RNFT2: variants seen among roughly 807,000 people sequenced by gnomAD.
RNFT2 encodes the protein ring finger protein, transmembrane 2.
Under a neutral mutation model 53.0 loss-of-function variants are expected in RNFT2, and 36 were observed. That is an observed-to-expected ratio of 0.68 (90% CI 0.52 to 0.90). RNFT2 has a LOEUF of 0.90. Among genes scored for constraint, RNFT2 ranks in the 40% least tolerant of loss-of-function variants. RNFT2 has a pLI of 0.00. For synonymous variants in RNFT2, 260 were observed against 253.2 expected (o/e 1.03, Z -0.26); for missense variants, 514 against 585.6 (o/e 0.88, Z 1.26).
chr12:116,740,761 A>G, intron 2 of RNFT2: 1 of 626,034 alleles, frequency 1.6e-6, no homozygotes, highest in Non-Finnish European at 2.9e-6. Context: ...TTGGCTGCAC[A>G]GTTTACCGCG....
chr12:116,761,560 A>G (rs1872692504), intron 5 of RNFT2, among the ~76,000 whole-genome samples: 1 of 152,194 alleles, frequency 6.6e-6, no homozygotes. Context: ...TCTGCTGAGC[A>G]CTAACTGCGT....
chr12:116,845,547 A>G (rs1352178459), intron 10 of RNFT2, among the ~76,000 whole-genome samples: 1 of 152,140 alleles, frequency 6.6e-6, no homozygotes, highest in African/African-American at 2.4e-5. Context: ...TCCCAGAGTG[A>G]TACTAAAGTT....
intron 7 of RNFT2, among the ~76,000 whole-genome samples, chr12:116,821,638 C>T (rs997733541): frequency 6.6e-6 from 1 of 152,138 alleles, no homozygotes; most frequent in East Asian, 1.9e-4. Context: ...GGAAAAGTCT[C>T]GCAGGAGGCT....
At chr12:116,766,664 A>C in intron 5 of RNFT2, 150 bp from the exon 6 acceptor site, 2 of 627,016 alleles carry the variant, frequency 3.2e-6, no homozygotes, top group Non-Finnish European at 5.7e-6. Flanking sequence ...TATCAGTGGA[A>C]TAGAAAGGTG....
chr12:116,778,518 C>T (rs1309061529), intron 6 of RNFT2, among the ~76,000 whole-genome samples: 1 of 152,206 alleles, frequency 6.6e-6, no homozygotes, highest in Non-Finnish European at 1.5e-5. Flanking sequence ...GTGCCATGCC[C>T]TTGAACTTTC....
At chr12:116,817,391 C>T (rs1356123995) in intron 7 of RNFT2, among the ~76,000 whole-genome samples, 1 of 152,162 alleles carries the variant, frequency 6.6e-6, no homozygotes, top group Middle Eastern at 3.2e-3. Flanking sequence ...CTCTAGCAAT[C>T]CTCATGCCTC....
chr12:116,806,831 T>A (rs1248903396), intron 7 of RNFT2, among the ~76,000 whole-genome samples: 1 of 152,180 alleles, frequency 6.6e-6, no homozygotes, highest in East Asian at 1.9e-4. Flanking sequence ...AGCTGCATTA[T>A]TAGATTTTCT....
intron 5 of RNFT2, among the ~76,000 whole-genome samples, chr12:116,756,576 T>C (rs553791495): frequency 1.3e-5 from 2 of 152,352 alleles, no homozygotes; most frequent in East Asian, 3.9e-4. Context: ...TCTGCATCTA[T>C]TGAAATGATC....
At chr12:116,814,254 T>G (rs1875526584) in intron 7 of RNFT2, among the ~76,000 whole-genome samples, 1 of 152,160 alleles carries the variant, frequency 6.6e-6, no homozygotes, top group South Asian at 2.1e-4. Flanking sequence ...GGCCCAGGAC[T>G]AGGTCCCAGA....
intron 7 of RNFT2, among the ~76,000 whole-genome samples, chr12:116,812,308 C>T (rs1246099747): frequency 2.0e-5 from 3 of 152,018 alleles, no homozygotes; most frequent in Non-Finnish European, 2.9e-5. Context: ...CATAGCAGCC[C>T]GACATAAATA....
chr12:116,750,823 A>G (rs1376845933), intron 4 of RNFT2, among the ~76,000 whole-genome samples: 1 of 3,464 alleles, frequency 2.9e-4, no homozygotes, highest in Admixed American at 7.8e-3. Context: ...TATATATTAT[A>G]TATATAATAT....
In RNFT2 at chr12:116,836,173, C is replaced by A; in HGVS notation, c.1099-8C>A. The A allele has an allele frequency of 6.3e-7, 1 of 1,593,536 alleles. No individual in the cohort carries two copies. Among genetic ancestry groups the A allele is most frequent in the South Asian group, 1.1e-5 (1 of 88,294 alleles). ...CATAGCTGTATTTGCTTCTCCCCTC[C>A]CTCAAAGAACTATGGAGTCCGAGCC... On this transcript the variant is annotated splice_polypyrimidine_tract_variant and splice_region_variant and intron_variant, in intron 9 of 10. Transcript: ENST00000257575.
At chr12:116,823,550 G>A (rs952075033) in intron 7 of RNFT2, among the ~76,000 whole-genome samples, 2 of 152,144 alleles carry the variant, frequency 1.3e-5, no homozygotes, top group African/African-American at 4.8e-5. Flanking sequence ...TGGGCGCCGT[G>A]GCGCATACCT....
chr12:116,761,199 A>G (rs183163468), intron 5 of RNFT2, among the ~76,000 whole-genome samples: 1 of 152,224 alleles, frequency 6.6e-6, no homozygotes, highest in Non-Finnish European at 1.5e-5. Flanking sequence ...CCCAGACTGG[A>G]GTGCAGTGGC....
chr12:116,750,341 G>A, intron 4 of RNFT2, 34 bp downstream of exon 4: 1 of 1,560,322 alleles, frequency 6.4e-7, no homozygotes, highest in Admixed American at 1.8e-5. Context: ...CCTAGCCATG[G>A]GCTTCACAGG....
At chr12:116,830,312 G>C (rs1427583929) in intron 7 of RNFT2, among the ~76,000 whole-genome samples, 1 of 152,010 alleles carries the variant, frequency 6.6e-6, no homozygotes, top group Non-Finnish European at 1.5e-5. Flanking sequence ...TTTCGAGACA[G>C]GGTCTTACTC....
In RNFT2 at chr12:116,741,636, A is replaced by G. The variant is rs143536947; in HGVS notation, c.83+542A>G. ...ATCATTCCCAAAGGCCCACCTTCCA[A>G]TACGATCAAATTACAGGTTAGGTTT... On this transcript the variant is annotated intron_variant, in intron 3 of 10. Coordinates refer to ENST00000257575, the MANE Select transcript of RNFT2 (RefSeq NM_001382266.1). Among the ~76,000 whole-genome samples, 452 of 152,222 alleles carry G rather than the reference A, an allele frequency of 3.0e-3. 9 individuals are homozygous for G. The highest frequency in any genetic ancestry group is 0.024 in the Admixed American group (363 of 15,264).
chr12:116,757,728 G>A (rs1478733770), intron 5 of RNFT2, among the ~76,000 whole-genome samples: 3 of 152,130 alleles, frequency 2.0e-5, no homozygotes, highest in African/African-American at 4.8e-5. Flanking sequence ...ATTGAGGCTC[G>A]TTTTGTGGCC....
intron 6 of RNFT2, among the ~76,000 whole-genome samples, chr12:116,778,046 C>T (rs913405904): frequency 9.2e-5 from 14 of 152,152 alleles, no homozygotes; most frequent in Middle Eastern, 6.8e-3. Flanking sequence ...CAGCTTCCCC[C>T]GCTCCTTCAT....
Sources: allele counts gnomAD v4.1 joint callset (sites outside exome capture counted in the v4.1 genomes callset), GRCh38; gene constraint gnomAD v4.1.1; transcripts MANE v1.5; gene names NCBI Gene and HGNC (gene_info 2026-07-23, HGNC 2026-07-21).